CREBRF: variants seen among roughly 807,000 people sequenced by gnomAD.
CREBRF encodes UPF0474 protein C5orf41.
A neutral mutation model predicts 66.1 loss-of-function variants in CREBRF; 5 were observed. That is an observed-to-expected ratio of 0.08 (90% CI 0.04 to 0.16). CREBRF has a LOEUF of 0.16. Ranked by LOEUF, CREBRF falls within the 10% of genes least tolerant of loss-of-function variation. CREBRF has a pLI of 1.00. For synonymous variants in CREBRF, 229 were observed against 264.4 expected (o/e 0.87, Z 1.30); for missense variants, 531 against 744.9 (o/e 0.71, Z 3.34).
chr5:173,125,563 T>A (rs1759249578), intron 8 of CREBRF, among the ~76,000 whole-genome samples: 1 of 152,150 alleles, frequency 6.6e-6, no homozygotes, highest in Admixed American at 6.5e-5. Flanking sequence ...CGCTTTTCAG[T>A]TAACATTTAA....
At chr5:173,133,566 C>T in intron 8 of CREBRF, 64 bp from the exon 9 acceptor site, 3 of 865,664 alleles carry the variant, frequency 3.5e-6, no homozygotes, top group Non-Finnish European at 5.6e-6. Flanking sequence ...TTTACCAGCT[C>T]CTTCCCTTCC....
intron 2 of CREBRF, among the ~76,000 whole-genome samples, chr5:173,085,097 C>T (rs551972980): frequency 6.6e-6 from 1 of 152,050 alleles, no homozygotes; most frequent in Non-Finnish European, 1.5e-5. Flanking sequence ...TACGTACCAC[C>T]ACACCTGACT....
chr5:173,110,254 G>A lies in CREBRF; in HGVS notation c.1418-268G>A, dbSNP rs563706968. On this transcript the variant is annotated intron_variant, in intron 5 of 8. Coordinates refer to ENST00000296953, the MANE Select transcript of CREBRF (RefSeq NM_153607.3). ...ATGCAAATAATGAAGAATCTGTCATGCTGGAACTAGAAGCCTAGGGTAGGG... is the reference window on the plus strand; with the variant it reads ...ATGCAAATAATGAAGAATCTGTCATACTGGAACTAGAAGCCTAGGGTAGGG... 5 of 495,970 alleles carry A rather than the reference G, an allele frequency of 1.0e-5. No individual in the cohort carries two copies. In the East Asian group the frequency reaches 2.1e-4, roughly 21 times the overall value. The allele number at this position is 495,970 out of a possible 1,614,324, so 30.7% of individuals were successfully genotyped here.
rs1457261983 is a variant in CREBRF, at chr5:173,133,862, C to A, written c.*117C>A. The A allele has an allele frequency of 8.7e-6, 5 of 571,682 alleles. No individual in the cohort carries two copies. Among genetic ancestry groups the A allele is most frequent in the Non-Finnish European group, 1.6e-5 (5 of 320,510 alleles). The allele number at this position is 571,682 out of a possible 1,614,324, so 35.4% of individuals were successfully genotyped here. On this transcript the variant is annotated 3_prime_UTR_variant, in exon 9 of 9. Coordinates refer to ENST00000296953, the MANE Select transcript of CREBRF (RefSeq NM_153607.3). ...TATGTAAACATTTACAATTAGGTTA[C>A]ATTGTTTTAAGAACTAAGTAGCATA...
At chr5:173,111,062 C>G (rs1374105671) in intron 6 of CREBRF, among the ~76,000 whole-genome samples, 4 of 152,080 alleles carry the variant, frequency 2.6e-5, no homozygotes, top group Admixed American at 2.6e-4. Context: ...TTTTGACAAA[C>G]ATATCCAATC....
At chr5:173,084,264 A>AAAAAC (rs1758058065) in intron 2 of CREBRF, among the ~76,000 whole-genome samples, 1 of 152,190 alleles carries the variant, frequency 6.6e-6, no homozygotes, top group African/African-American at 2.4e-5. Context: ...AATGAATTAA[A>AAAAAC]AAAACAAGAC....
intron 8 of CREBRF, among the ~76,000 whole-genome samples, chr5:173,125,684 G>A (rs1759254362): frequency 6.7e-6 from 1 of 149,156 alleles, no homozygotes; most frequent in African/African-American, 2.5e-5. Context: ...CTAACATGGT[G>A]AAACCCCGTC....
chr5:173,063,522 C>T lies in CREBRF; in HGVS notation c.-192+7043C>T, dbSNP rs556869589. On this transcript the variant is annotated intron_variant, in intron 1 of 8. Coordinates refer to ENST00000296953, the MANE Select transcript of CREBRF (RefSeq NM_153607.3). ...AGCTGGTATTACAGGAGCACGTCAC[C>T]ACACTCAGCTAATTTTTTGTATTTT... is the stretch of plus-strand genomic sequence containing the variant. Among the ~76,000 whole-genome samples the T allele has an allele frequency of 1.1e-3, 174 of 152,128 alleles. 1 individual carries two copies. The highest frequency in any genetic ancestry group is 4.1e-3 in the African/African-American group (169 of 41,496).
intron 4 of CREBRF, among the ~76,000 whole-genome samples, chr5:173,098,879 T>C (rs1206948129): frequency 2.6e-5 from 3 of 116,052 alleles, no homozygotes; most frequent in Non-Finnish European, 6.1e-5. Context: ...ATTTTTTTAC[T>C]TTTTTTTTTT....
intron 8 of CREBRF, among the ~76,000 whole-genome samples, chr5:173,129,795 T>G (rs1026002065): frequency 6.6e-5 from 10 of 152,020 alleles, no homozygotes; most frequent in Admixed American, 2.0e-4. Context: ...TTAATTCAGA[T>G]ATCAGAAAAT....
At chr5:173,059,297 C>T (rs251250) in intron 1 of CREBRF, among the ~76,000 whole-genome samples, 64,983 of 136,858 alleles carry the variant, frequency 0.47, 16,515 homozygotes, top group Non-Finnish European at 0.58. Context: ...GGAGTTTCGC[C>T]CTTGTCGCCC....
chr5:173,069,185 C>T (rs1334310713), intron 1 of CREBRF, among the ~76,000 whole-genome samples: 1 of 152,044 alleles, frequency 6.6e-6, no homozygotes, highest in African/African-American at 2.4e-5. Context: ...TAAAAATAGC[C>T]ACCATTTATT....
At chr5:173,084,920 C>T (rs938630909) in intron 2 of CREBRF, among the ~76,000 whole-genome samples, 10 of 152,020 alleles carry the variant, frequency 6.6e-5, no homozygotes, top group African/African-American at 2.4e-4. Context: ...GCTGGGATTA[C>T]ATGTGTGAGC....
At chr5:173,094,245 T>C (rs1271153362) in intron 4 of CREBRF, among the ~76,000 whole-genome samples, 1 of 152,226 alleles carries the variant, frequency 6.6e-6, no homozygotes, top group Non-Finnish European at 1.5e-5. Flanking sequence ...GCAATGAACA[T>C]AGGAATGCAG....
intron 4 of CREBRF, among the ~76,000 whole-genome samples, chr5:173,102,165 CTTCT>C (rs1338832139): frequency 6.6e-6 from 1 of 152,182 alleles, no homozygotes; most frequent in Non-Finnish European, 1.5e-5. Flanking sequence ...GCTCACTGAG[CTTCT>C]TTAAGACAAT....
intron 3 of CREBRF, among the ~76,000 whole-genome samples, chr5:173,089,178 A>G (rs958503353): frequency 4.1e-5 from 5 of 122,616 alleles, no homozygotes; most frequent in African/African-American, 8.1e-5. Context: ...CTCCATCTCA[A>G]AAAAAAAAAA....
chr5:173,058,693 G>C (rs1222594696), intron 1 of CREBRF, among the ~76,000 whole-genome samples: 4 of 149,270 alleles, frequency 2.7e-5, no homozygotes, highest in Admixed American at 1.3e-4. Flanking sequence ...CACCATGTTA[G>C]CCAGGACGGT....
intron 1 of CREBRF, among the ~76,000 whole-genome samples, chr5:173,059,828 T>G (rs976236683): frequency 6.6e-6 from 1 of 152,210 alleles, no homozygotes; most frequent in Non-Finnish European, 1.5e-5. Context: ...GACTGGTATA[T>G]CAGCTTTGGG....
chr5:173,117,508 GCCTTC>G (rs1759018714), intron 7 of CREBRF, among the ~76,000 whole-genome samples: 5 of 80,012 alleles, frequency 6.2e-5, no homozygotes, highest in Non-Finnish European at 8.1e-5. Flanking sequence ...TTTCCTTTTT[GCCTTC>G]CCTTCCCTCC....
Sources: allele counts gnomAD v4.1 joint callset (sites outside exome capture counted in the v4.1 genomes callset), GRCh38; gene constraint gnomAD v4.1.1; transcripts MANE v1.5; gene names NCBI Gene and HGNC (gene_info 2026-07-23, HGNC 2026-07-21).